Variants in PCDH10 observed in about 807,000 individuals in gnomAD.
The protein encoded by PCDH10 is protocadherin-10.
In PCDH10, 15 loss-of-function variants were observed where a neutral mutation model predicts 74.4. That is an observed-to-expected ratio of 0.20 (90% CI 0.13 to 0.31). The LOEUF (loss-of-function observed/expected upper bound fraction) is 0.31, where lower values mean the gene tolerates loss of function less well. Among genes scored for constraint, PCDH10 ranks in the 10% least tolerant of loss-of-function variants. The probability of loss-of-function intolerance (pLI) is 1.00; values close to 1 mark genes in which losing one functional copy is unlikely to be tolerated. For missense variants in PCDH10, 1,260 were observed against 1,390.2 expected (o/e 0.91, Z 1.49); for synonymous variants, 619 against 589.8 (o/e 1.05, Z -0.72).
At chr4:133,196,376 A>G (rs1727795147), downstream of PCDH10, among the ~76,000 whole-genome samples, 1 of 152,158 alleles carries the variant, frequency 6.6e-6, no homozygotes, top group South Asian at 2.1e-4. Context: ...TTAAGCTGTC[A>G]TGTTGCACTG....
exon 3 of PCDH10, chr4:133,208,335 T>C (rs1419799216): frequency 1.3e-5 from 2 of 152,258 alleles, no homozygotes. Flanking sequence ...TTGGGGTATA[T>C]TGCCATGTGG....
In PCDH10 at chr4:133,150,224, G is replaced by T. The variant is rs1406659209; in HGVS notation, c.84G>T (p.Gln28His). ...SQLHYTVQEE[Q>H]EHGTFVGNIA... ...TTCACTACACGGTACAGGAGGAGCA[G>T]GAACATGGCACTTTCGTGGGGAATA... Residue 28 changes from glutamine to histidine, a missense_variant, in exon 1 of 5, where the codon CAG becomes CAT. Around this residue, in one of 11 missense-constraint regions of PCDH10, gnomAD observed 103 missense variants for 91.5 expected, o/e 1.13. Coordinates refer to ENST00000264360, the MANE Select transcript of PCDH10 (RefSeq NM_032961.3). The T allele has an allele frequency of 1.2e-6, 2 of 1,613,674 alleles. No individual in the cohort carries two copies. The highest frequency in any genetic ancestry group is 1.7e-6 in the Non-Finnish European group (2 of 1,179,882).
At position 133,150,850 on chromosome 4, in the gene PCDH10, C is replaced by T. The variant is rs750897482; in HGVS notation, c.710C>T (p.Thr237Ile). 7.5e-6 allele frequency: 12 copies of T among 1,603,546 alleles called. No individual in the cohort carries two copies. The highest frequency in any genetic ancestry group is 1.3e-5 in the African/African-American group (1 of 74,886). Residue 237 changes from threonine (T) to isoleucine (I), a missense_variant, in exon 1 of 5, where the codon ACC becomes ATC. By Grantham distance (89) the Thr-to-Ile change is moderately conservative. Transcript: ENST00000264360. Reference protein sequence around the residue: ...QQQRTGTALLTIRVLDSNDNV... With the variant: ...QQQRTGTALLIIRVLDSNDNV... ...CAGCGCACCGGCACGGCCCTACTCA[C>T]CATCCGAGTGCTGGACTCCAATGAC...
Position 133,152,068 on chromosome 4 carries a change from G to A in PCDH10, c.1928G>A (p.Arg643Gln), listed in dbSNP as rs1392271689. The part of the protein sequence containing the change: ...WRTGELRTAR[R>Q]VPAKRDPQRP... ...ACCGGGGAGCTGCGCACAGCACGCC[G>A]AGTCCCGGCCAAGCGCGACCCCCAG... Residue 643 changes from arginine (R) to glutamine (Q), a missense_variant, in exon 1 of 5, where the codon CGA becomes CAA. By Grantham distance (43) the Arg-to-Gln change is conservative. Transcript: ENST00000264360. The A allele has an allele frequency of 1.9e-6, 3 of 1,605,008 alleles. No homozygotes were observed. Among genetic ancestry groups the A allele is most frequent in the Non-Finnish European group, 2.6e-6 (3 of 1,176,210 alleles).
intron 1 of PCDH10, 189 bp downstream of exon 1, chr4:133,152,960 TC>T: frequency 6.9e-7 from 1 of 1,450,768 alleles, no homozygotes; most frequent in South Asian, 1.5e-5. Context: ...TTCGCGTTGT[TC>T]CACCCTTTCA....
rs193000577 is a variant in PCDH10, at chr4:133,191,712, C to G, written c.*1552C>G. The G allele has an allele frequency of 6.6e-5, 10 of 151,736 alleles. No individual in the cohort carries two copies. Among genetic ancestry groups the G allele is most frequent in the Admixed American group, 2.6e-4 (4 of 15,196 alleles). The allele number at this position is 151,736 out of a possible 1,614,324, so 9.4% of individuals were successfully genotyped here. A position where few individuals can be genotyped will look rare whatever the true frequency, so the allele number is the denominator to read the frequency against. On this transcript the variant is annotated 3_prime_UTR_variant, in exon 5 of 5. Transcript: ENST00000264360. ...GAATTGTCACAGCTCCCCTCGCCCT[C>G]TAAACTATGATATCAAAACATCATA...
rs371219753 is a variant in PCDH10 at position 133,190,959 on chromosome 4, G to T, written c.*799G>T. The T allele has an allele frequency of 8.5e-5, 13 of 152,252 alleles. No individual in the cohort carries two copies. The South Asian group carries it at 2.5e-3, about 29-fold the overall frequency. 9.4% of individuals were successfully genotyped at this position (152,252 alleles called of 1,614,324 possible). A position where few individuals can be genotyped will look rare whatever the true frequency, so the allele number is the denominator to read the frequency against. On this transcript the variant is annotated 3_prime_UTR_variant, in exon 5 of 5. Coordinates refer to ENST00000264360, the MANE Select transcript of PCDH10 (RefSeq NM_032961.3). Reference sequence around the variant, plus strand: ...TGTTTTTCCTTGTTTAAAAGAAAATGATGCTCTAAGCTACAAAATTTTGTC... The same window carrying T: ...TGTTTTTCCTTGTTTAAAAGAAAATTATGCTCTAAGCTACAAAATTTTGTC...
Position 133,184,636 on chromosome 4 carries a change from A to G in PCDH10, c.3104-5505A>G, listed in dbSNP as rs976828529. 4.7e-5 allele frequency among the ~76,000 whole-genome samples: 7 copies of G among 148,364 alleles called. No homozygotes were observed. In the East Asian group the frequency reaches 1.2e-3, roughly 25 times the overall value. On this transcript the variant is annotated intron_variant, in intron 4 of 4. Transcript: ENST00000264360. The stretch of plus-strand genomic sequence containing the variant: ...AAAAATAAATAAATAAACCGGTTTT[A>G]TTATCTATAAATATAAATAAATAAG...
chr4:133,150,473 G>A lies in PCDH10; in HGVS notation c.333G>A (p.Glu111=). The A allele has an allele frequency of 6.2e-7, 1 of 1,613,844 alleles. No individual in the cohort carries two copies. The highest frequency in any genetic ancestry group is 1.1e-5 in the South Asian group (1 of 91,056). The change falls in exon 1 of 5, where the codon GAG becomes GAA. Residue 111 remains glutamate, a synonymous_variant. Coordinates refer to ENST00000264360, the MANE Select transcript of PCDH10 (RefSeq NM_032961.3). ...TGGAGCTGTTCCAGGTGGAGATCGA[G>A]GTGCTGGACATTAATGACAACCCCC... The part of the protein sequence containing the change: ...NPLELFQVEI[E]VLDINDNPPS...
chr4:133,191,102 T>C lies in PCDH10; in HGVS notation c.*942T>C, dbSNP rs991366324. On this transcript the variant is annotated 3_prime_UTR_variant, in exon 5 of 5. Transcript: ENST00000264360. Reference sequence around the variant, plus strand: ...CTGCATAAGTCTGATTCTATTTCTATGACTTTGAATTTAGAATCACTTAAA... The same window carrying C: ...CTGCATAAGTCTGATTCTATTTCTACGACTTTGAATTTAGAATCACTTAAA... 6.6e-6 allele frequency: 1 copy of C among 152,428 alleles called. No homozygotes were observed. Among genetic ancestry groups the C allele is most frequent in the Admixed American group, 6.6e-5 (1 of 15,202 alleles). 9.4% of individuals were successfully genotyped at this position (152,428 alleles called of 1,614,324 possible). A position where few individuals can be genotyped will look rare whatever the true frequency, so the allele number is the denominator to read the frequency against.
Position 133,151,023 on chromosome 4 carries a change from C to G in PCDH10, c.883C>G (p.Pro295Ala). Residue 295 changes from proline (P) to alanine (A), a missense_variant, in exon 1 of 5, where the codon CCC becomes GCC. Physicochemically the swap from Pro to Ala is conservative, Grantham distance 27. Around this residue, in one of 11 missense-constraint regions of PCDH10, gnomAD observed 192 missense variants for 161.2 expected, o/e 1.19. Transcript: ENST00000264360. ...VVYSFSSHIS[P>A]RARELFGLSP... ...GTACTCCTTCAGCAGCCACATTTCG[C>G]CCCGGGCGCGGGAGCTTTTCGGACT... The G allele has an allele frequency of 1.2e-6, 2 of 1,613,846 alleles. No homozygotes were observed. The highest frequency in any genetic ancestry group is 1.7e-6 in the Non-Finnish European group (2 of 1,180,036).
downstream of PCDH10, among the ~76,000 whole-genome samples, chr4:133,198,801 T>A (rs979305823): frequency 1.3e-5 from 2 of 152,224 alleles, no homozygotes; most frequent in Non-Finnish European, 2.9e-5. Flanking sequence ...AGCTTCTAGC[T>A]GCAAATCAGT....
intron 4 of PCDH10, among the ~76,000 whole-genome samples, chr4:133,171,369 T>G (rs1727200538): frequency 6.6e-6 from 1 of 152,198 alleles, no homozygotes. Flanking sequence ...CAACTAAGTT[T>G]CTTTAAACAA....
At chr4:133,169,081 TA>T (rs1487674272) in intron 4 of PCDH10, among the ~76,000 whole-genome samples, 1 of 151,750 alleles carries the variant, frequency 6.6e-6, no homozygotes, top group Admixed American at 6.6e-5. Flanking sequence ...AAGGCAGAGT[TA>T]AATTGTTTCA....
chr4:133,161,656 A>C (rs1726973595), intron 3 of PCDH10, among the ~76,000 whole-genome samples: 1 of 151,846 alleles, frequency 6.6e-6, no homozygotes, highest in South Asian at 2.1e-4. Flanking sequence ...CATGGATTCG[A>C]GTTTCTTTTC....
At chr4:133,171,148 TC>T (rs1362667829) in intron 4 of PCDH10, among the ~76,000 whole-genome samples, 4 of 152,104 alleles carry the variant, frequency 2.6e-5, no homozygotes, top group African/African-American at 7.2e-5. Flanking sequence ...TAGGACGTTT[TC>T]CCCACCTTAA....
At chr4:133,184,794 ATT>A (rs1727507021) in intron 4 of PCDH10, among the ~76,000 whole-genome samples, 5 of 137,686 alleles carry the variant, frequency 3.6e-5, no homozygotes, top group African/African-American at 1.1e-4. Context: ...AAATATATAT[ATT>A]TATATATATA....
chr4:133,207,624 CA>C (rs1358683370), intron 2 of PCDH10, among the ~76,000 whole-genome samples: 2 of 151,616 alleles, frequency 1.3e-5, no homozygotes, highest in Non-Finnish European at 2.9e-5. Context: ...AATTGTTACT[CA>C]AAAAATGTAA....
rs1228172176 is a variant in PCDH10 at position 133,194,370 on chromosome 4, C to T, written c.*4210C>T. On this transcript the variant is annotated 3_prime_UTR_variant, in exon 5 of 5. Transcript: ENST00000264360. The stretch of plus-strand genomic sequence containing the variant: ...TTCTGAATGATGGAACTCAGACTTC[C>T]AATACATTCATACATGCTAGAGCTG... The T allele has an allele frequency of 1.3e-5, 2 of 151,748 alleles. No individual in the cohort carries two copies. Among genetic ancestry groups the T allele is most frequent in the Non-Finnish European group, 2.9e-5 (2 of 67,800 alleles). The allele number at this position is 151,748 out of a possible 1,614,324, so 9.4% of individuals were successfully genotyped here.
Sources: gnomAD v4.1 joint callset for allele counts (sites outside exome capture counted in the v4.1 genomes callset) on GRCh38, gnomAD v4.1.1 for gene constraint, gnomAD v4.1.1 regional missense constraint, MANE v1.5 for transcripts, NCBI Gene and HGNC (gene_info 2026-07-23, HGNC 2026-07-21) for gene names.